The following FGD6 variants were observed in gnomAD, a reference collection of about 807,000 sequenced individuals.
The protein encoded by FGD6 is FYVE, RhoGEF and PH domain containing 6, also known as FYVE, RhoGEF and PH domain-containing protein 6.
A neutral mutation model predicts 149.4 loss-of-function variants in FGD6; 90 were observed. The observed-to-expected ratio is 0.60, with a 90% CI of 0.51 to 0.72. The LOEUF (loss-of-function observed/expected upper bound fraction) is 0.72, where lower values mean the gene tolerates loss of function less well. Among genes scored for constraint, FGD6 ranks in the 30% least tolerant of loss-of-function variants. The pLI is 0.00. For missense variants in FGD6, 1,437 were observed against 1,684.8 expected, an observed-to-expected ratio of 0.85 and a Z score of 2.57; for synonymous variants, 527 against 584.0, an observed-to-expected ratio of 0.90 and a Z score of 1.41.
intron 2 of FGD6, among the ~76,000 whole-genome samples, chr12:95,207,901 C>T (rs1021426908): frequency 4.6e-5 from 7 of 151,998 alleles, no homozygotes; most frequent in Non-Finnish European, 8.8e-5. Context: ...AGGATGGGCA[C>T]GATTTTAATA....
At chr12:95,132,558 C>T (rs1879552745) in intron 8 of FGD6, among the ~76,000 whole-genome samples, 1 of 152,102 alleles carries the variant, frequency 6.6e-6, no homozygotes, top group Non-Finnish European at 1.5e-5. Context: ...CAAGACCATC[C>T]TGGCCAACAT....
At chr12:95,195,970 A>C (rs1425559786) in intron 2 of FGD6, among the ~76,000 whole-genome samples, 1 of 151,906 alleles carries the variant, frequency 6.6e-6, no homozygotes, top group Non-Finnish European at 1.5e-5. Flanking sequence ...AAATATATAA[A>C]AATTAGGCAG....
rs201883147 is a variant in FGD6 at position 95,130,245 on chromosome 12, C to CT, written c.3082+4493dup. Reference sequence around the variant, plus strand: ...GCTCTATCTGGGGATTTCCGCTGATCTTTTCTAAAAGGATTCCAGAAGAAA... The same window carrying CT: ...GCTCTATCTGGGGATTTCCGCTGATCTTTTTCTAAAAGGATTCCAGAAGAAA... On this transcript the variant is annotated intron_variant, in intron 8 of 20. Transcript: ENST00000343958. Among the ~76,000 whole-genome samples, 1,357 of 152,258 alleles carry CT rather than the reference C, an allele frequency of 8.9e-3. 8 individuals carry two copies. Among genetic ancestry groups the CT allele is most frequent in the Non-Finnish European group, 0.015 (1,006 of 68,026 alleles).
At chr12:95,140,043 A>AC (rs956930028) in intron 6 of FGD6, among the ~76,000 whole-genome samples, 5 of 152,204 alleles carry the variant, frequency 3.3e-5, no homozygotes, top group African/African-American at 1.2e-4. Flanking sequence ...TGCCATATTT[A>AC]CCCAACATAT....
At chr12:95,089,837 A>G (rs952915199) in intron 17 of FGD6, 141 bp from the exon 18 acceptor site, 1 of 1,074,858 alleles carries the variant, frequency 9.3e-7, no homozygotes, top group Non-Finnish European at 1.3e-6. Flanking sequence ...GAAAAGGACA[A>G]TGGATGGCTG....
In FGD6 at chr12:95,187,566, T is replaced by C. The variant is rs148261070; in HGVS notation, c.2442-14822A>G. Reference sequence around the variant, plus strand: ...TACTTGGGAGGCTGAGGCAGGAGAATCACTTGAACCTGGGAGGCGGAGGTT... The same window carrying C: ...TACTTGGGAGGCTGAGGCAGGAGAACCACTTGAACCTGGGAGGCGGAGGTT... On this transcript the variant is annotated intron_variant, in intron 2 of 20. Coordinates refer to ENST00000343958, the MANE Select transcript of FGD6 (RefSeq NM_018351.4). Among the ~76,000 whole-genome samples, 465 of 150,016 alleles carry C rather than the reference T, an allele frequency of 3.1e-3. 15 individuals carry two copies. In the East Asian group the frequency reaches 0.067, roughly 22 times the overall value.
chr12:95,184,541 G>A (rs1389045329), intron 2 of FGD6, among the ~76,000 whole-genome samples: 1 of 150,044 alleles, frequency 6.7e-6, no homozygotes. Context: ...TGGGGAAGCT[G>A]TAGAGGGTGT....
intron 3 of FGD6, among the ~76,000 whole-genome samples, chr12:95,167,175 T>C (rs1006363363): frequency 1.3e-5 from 2 of 152,136 alleles, no homozygotes; most frequent in African/African-American, 2.4e-5. Flanking sequence ...TTTTGACTAT[T>C]ATGAATAATG....
chr12:95,096,065 A>G (rs1214281685), intron 14 of FGD6, among the ~76,000 whole-genome samples: 3 of 151,628 alleles, frequency 2.0e-5, no homozygotes, highest in African/African-American at 7.3e-5. Context: ...AATTTGTTTT[A>G]AAATAGAAAA....
intron 8 of FGD6, among the ~76,000 whole-genome samples, chr12:95,118,510 C>T (rs893850943): frequency 5.3e-5 from 8 of 152,096 alleles, no homozygotes; most frequent in African/African-American, 1.4e-4. Context: ...AGAAACTAGT[C>T]GGAAGTCCTG....
rs781085706 is a variant in FGD6 at position 95,210,850 on chromosome 12, C to T, written c.434G>A (p.Ser145Asn). 1 of 1,610,388 alleles carries T rather than the reference C, an allele frequency of 6.2e-7. No individual in the cohort carries two copies. The highest frequency in any genetic ancestry group is 8.5e-7 in the Non-Finnish European group (1 of 1,179,222). Residue 145 changes from serine (S) to asparagine (N), a missense_variant, in exon 2 of 21, where the codon AGT (serine) becomes AAT (asparagine). Coordinates refer to ENST00000343958, the MANE Select transcript of FGD6 (RefSeq NM_018351.4). ...PLEMNENLEN[S>N]KIDETLTIKT... ...TATAGTCAAAGTCTCATCAATTTTACTGTTTTCTAAATTTTCATTCATTTC... is the reference window on the plus strand; with the variant it reads ...TATAGTCAAAGTCTCATCAATTTTATTGTTTTCTAAATTTTCATTCATTTC...
At chr12:95,150,744 G>T (rs1217456599) in intron 5 of FGD6, among the ~76,000 whole-genome samples, 1 of 151,826 alleles carries the variant, frequency 6.6e-6, no homozygotes, top group Non-Finnish European at 1.5e-5. Flanking sequence ...GAATAGGTGG[G>T]ATTATAAGTG....
chr12:95,215,822 C>T (rs2136307789), intron 1 of FGD6, among the ~76,000 whole-genome samples: 1 of 152,302 alleles, frequency 6.6e-6, no homozygotes, highest in East Asian at 1.9e-4. Context: ...GAATTGAAAA[C>T]TGATACATAT....
At chr12:95,208,736 T>C in intron 2 of FGD6, 107 bp downstream of exon 2, 1 of 1,314,084 alleles carries the variant, frequency 7.6e-7, no homozygotes, top group Non-Finnish European at 1.0e-6. Flanking sequence ...TTTTCTAAAC[T>C]ATTCCTTCAA....
At chr12:95,175,727 G>T (rs1881114081) in intron 2 of FGD6, among the ~76,000 whole-genome samples, 1 of 150,758 alleles carries the variant, frequency 6.6e-6, no homozygotes, top group African/African-American at 2.4e-5. Context: ...TTGAACCAGG[G>T]AGGTGGAGGT....
chr12:95,083,030 T>TACACACAC (rs1555215606), intron 20 of FGD6, among the ~76,000 whole-genome samples: 7 of 56,586 alleles, frequency 1.2e-4, no homozygotes, highest in African/African-American at 3.2e-4. Flanking sequence ...TATATATATA[T>TACACACAC]ACACACACAT....
intron 8 of FGD6, among the ~76,000 whole-genome samples, chr12:95,131,710 T>A (rs1879524872): frequency 6.6e-6 from 1 of 152,202 alleles, no homozygotes. Context: ...TGGCCTTGAA[T>A]AAGCCATTCA....
chr12:95,119,038 A>G (rs1004641447), intron 8 of FGD6, among the ~76,000 whole-genome samples: 1 of 152,016 alleles, frequency 6.6e-6, no homozygotes, highest in African/African-American at 2.4e-5. Context: ...TCCCAGCACT[A>G]TGGGAGGCCG....
At chr12:95,099,495 C>G (rs1338796197) in intron 14 of FGD6, among the ~76,000 whole-genome samples, 2 of 152,092 alleles carry the variant, frequency 1.3e-5, no homozygotes, top group Non-Finnish European at 2.9e-5. Context: ...TATGCCTTAG[C>G]TCTCTTTCCC....
Sources: gnomAD v4.1 joint callset for allele counts (sites outside exome capture counted in the v4.1 genomes callset) on GRCh38, gnomAD v4.1.1 for gene constraint, MANE v1.5 for transcripts, NCBI Gene and HGNC (gene_info 2026-07-23, HGNC 2026-07-21) for gene names.